The following ALK variants were observed in gnomAD, a reference collection of about 807,000 sequenced individuals.
ALK encodes ALK tyrosine kinase receptor.
In ALK, 74 loss-of-function variants were observed where a neutral mutation model predicts 163.1. The ratio of observed to expected loss-of-function variants is 0.45; its 90% confidence interval spans 0.38 to 0.55. The LOEUF (loss-of-function observed/expected upper bound fraction) is 0.55. ALK is among the 20% of genes least tolerant of loss of function. The pLI is 0.00. For missense variants in ALK, 2,063 were observed against 2,105.3 expected, an observed-to-expected ratio of 0.98 and a Z score of 0.39; for synonymous variants, 960 against 843.2, an observed-to-expected ratio of 1.14 and a Z score of -2.40.
intron 1 of ALK, among the ~76,000 whole-genome samples, chr2:29,804,092 TC>T (rs1664551394): frequency 1.3e-5 from 2 of 152,248 alleles, no homozygotes; most frequent in Non-Finnish European, 2.9e-5. Context: ...AATCTCTTTT[TC>T]TTTTTGCTCA....
chr2:29,763,318 T>C (rs1573615734), intron 1 of ALK, among the ~76,000 whole-genome samples: 1 of 152,078 alleles, frequency 6.6e-6, no homozygotes, highest in East Asian at 1.9e-4. Context: ...GACACCTAAA[T>C]AGCATTATTA....
intron 3 of ALK, among the ~76,000 whole-genome samples, chr2:29,570,138 C>T (rs774045713): frequency 6.6e-6 from 1 of 152,152 alleles, no homozygotes; most frequent in Non-Finnish European, 1.5e-5. Flanking sequence ...TTATTTATTT[C>T]TCATTAGACT....
intron 21 of ALK, 40 bp downstream of exon 21, chr2:29,222,477 C>T (rs772865391): frequency 2.5e-5 from 41 of 1,613,130 alleles, no homozygotes; most frequent in African/African-American, 5.3e-5. Flanking sequence ...CTACAGAGTC[C>T]GCAAGCCAAG....
intron 1 of ALK, among the ~76,000 whole-genome samples, chr2:29,824,445 G>C (rs906094711): frequency 6.6e-6 from 1 of 152,230 alleles, no homozygotes; most frequent in African/African-American, 2.4e-5. Context: ...AAAAGCCACA[G>C]ACACTCAATG....
chr2:29,387,373 C>G (rs1453192078), intron 4 of ALK, among the ~76,000 whole-genome samples: 1 of 152,064 alleles, frequency 6.6e-6, no homozygotes, highest in African/African-American at 2.4e-5. Context: ...GCCATTTTTG[C>G]AGAGTGCCTA....
At chr2:29,879,115 C>T (rs1047135742) in intron 1 of ALK, among the ~76,000 whole-genome samples, 1 of 152,076 alleles carries the variant, frequency 6.6e-6, no homozygotes, top group Admixed American at 6.5e-5. Context: ...TATGACCCAC[C>T]CCTGCGTGGT....
chr2:29,442,593 CT>C (rs1256997583), intron 4 of ALK, among the ~76,000 whole-genome samples: 1 of 152,114 alleles, frequency 6.6e-6, no homozygotes, highest in African/African-American at 2.4e-5. Flanking sequence ...TGCTTTTTCA[CT>C]GGTAAAAATG....
rs1281318682 is a variant in ALK, at chr2:29,425,989, T to C, written c.1155-42130A>G. 2.6e-5 allele frequency among the ~76,000 whole-genome samples: 4 copies of C among 152,208 alleles called. No individual in the cohort carries two copies. The South Asian group carries it at 6.2e-4, about 24-fold the overall frequency. On this transcript the variant is annotated intron_variant, in intron 4 of 28. Transcript: ENST00000389048. Reference sequence around the variant, plus strand: ...CTTCAAAGAGTGGCCTCAAAAATTATGTCTGTAAAGGGACTCACATTTAAT... The same window carrying C: ...CTTCAAAGAGTGGCCTCAAAAATTACGTCTGTAAAGGGACTCACATTTAAT...
intron 1 of ALK, among the ~76,000 whole-genome samples, chr2:29,796,825 C>G (rs1193279357): frequency 6.6e-6 from 1 of 151,938 alleles, no homozygotes; most frequent in East Asian, 1.9e-4. Context: ...GGTGAGCTAC[C>G]TTTCATGAGT....
In ALK at chr2:29,251,232, G is replaced by T. The variant is rs1026390293; in HGVS notation, c.2077C>A (p.Pro693Thr). The T allele has an allele frequency of 6.2e-7, 1 of 1,613,846 alleles. No individual in the cohort carries two copies. Among genetic ancestry groups the T allele is most frequent in the Non-Finnish European group, 8.5e-7 (1 of 1,179,962 alleles). Reference protein sequence around the residue: ...WLFTTCGASGPHGPTQAQCNN... With the variant: ...WLFTTCGASGTHGPTQAQCNN... ...CACTGTGCCTGGGTGGGGCCATGGG[G>T]CCCGCTGGCCCCACATGTGGTGAAC... The change falls in exon 12 of 29, where the codon CCC becomes ACC. Residue 693 changes from proline (P) to threonine (T), a missense_variant. By Grantham distance (38) the Pro-to-Thr change is conservative. Transcript: ENST00000389048.
At chr2:29,244,110 C>T (rs1045169133) in intron 12 of ALK, among the ~76,000 whole-genome samples, 4 of 152,318 alleles carry the variant, frequency 2.6e-5, no homozygotes, top group East Asian at 1.9e-4. Flanking sequence ...TCCACACACA[C>T]GGGGGGATCT....
At chr2:29,455,603 A>G (rs1232876714) in intron 4 of ALK, among the ~76,000 whole-genome samples, 1 of 152,254 alleles carries the variant, frequency 6.6e-6, no homozygotes, top group African/African-American at 2.4e-5. Flanking sequence ...TGTTAGCTCC[A>G]CAATCAAAAT....
At chr2:29,718,382 T>G (rs926161835) in intron 1 of ALK, among the ~76,000 whole-genome samples, 6 of 152,254 alleles carry the variant, frequency 3.9e-5, no homozygotes, top group African/African-American at 1.4e-4. Context: ...CATTACAATA[T>G]ATCTACAAAT....
At chr2:29,648,637 T>C (rs996394614) in intron 3 of ALK, among the ~76,000 whole-genome samples, 8 of 152,186 alleles carry the variant, frequency 5.3e-5, no homozygotes, top group African/African-American at 1.9e-4. Context: ...TGATTTCATT[T>C]AGCATCATTA....
chr2:29,294,826 G>A (rs1373785608), intron 9 of ALK, among the ~76,000 whole-genome samples: 1 of 152,184 alleles, frequency 6.6e-6, no homozygotes, highest in Admixed American at 6.5e-5. Flanking sequence ...TTCAAACTTG[G>A]CACTATTTGA....
At chr2:29,459,023 C>T (rs1177861911) in intron 4 of ALK, among the ~76,000 whole-genome samples, 1 of 152,106 alleles carries the variant, frequency 6.6e-6, no homozygotes, top group Non-Finnish European at 1.5e-5. Flanking sequence ...AATATAAGTT[C>T]CTGGGACTCA....
chr2:29,232,390 T>G lies in ALK; in HGVS notation c.2546A>C (p.Tyr849Ser), dbSNP rs1043717591. Residue 849 changes from tyrosine to serine, a missense_variant, in exon 15 of 29, where the codon TAC (tyrosine) becomes TCC (serine). Around this residue, in one of 5 missense-constraint regions of ALK, gnomAD observed 575 missense variants for 626.6 expected, o/e 0.92. Transcript: ENST00000389048. The stretch of plus-strand genomic sequence containing the variant: ...GTGGAACGTGTCTGTCTTGGCCCCG[T>G]AGGCCCTGCCACCACCTCCGGCTGC... ...IIAAGGGGRA[Y>S]GAKTDTFHPE... 6 of 1,614,128 alleles carry G rather than the reference T, an allele frequency of 3.7e-6. No homozygotes were observed. The African/African-American group carries it at 8.0e-5, about 22-fold the overall frequency.
intron 3 of ALK, among the ~76,000 whole-genome samples, chr2:29,555,490 A>G (rs547125393): frequency 1.3e-5 from 2 of 152,296 alleles, no homozygotes; most frequent in Non-Finnish European, 2.9e-5. Flanking sequence ...GGAACAGTCA[A>G]TCTGTGAGTA....
chr2:29,255,454 A>C (rs1664926718), intron 11 of ALK, among the ~76,000 whole-genome samples: 1 of 152,182 alleles, frequency 6.6e-6, no homozygotes, highest in Non-Finnish European at 1.5e-5. Flanking sequence ...AATACTTGAA[A>C]CATTTAAAAA....
Sources: allele counts gnomAD v4.1 joint callset (sites outside exome capture counted in the v4.1 genomes callset), GRCh38; gene constraint gnomAD v4.1.1; regional missense constraint gnomAD v4.1.1; transcripts MANE v1.5; gene names NCBI Gene and HGNC (gene_info 2026-07-23, HGNC 2026-07-21).